TENM2: variants seen among roughly 807,000 people sequenced by gnomAD.
The protein encoded by TENM2 is teneurin transmembrane protein 2.
In TENM2, 52 loss-of-function variants were observed where a neutral mutation model predicts 245.2. The observed-to-expected ratio is 0.21, with a 90% CI of 0.17 to 0.27. The LOEUF is 0.27. TENM2 is among the 10% of genes least tolerant of loss of function. TENM2 has a pLI of 1.00. For missense variants in TENM2, 3,046 were observed against 3,666.8 expected (o/e 0.83, Z 4.37); for synonymous variants, 1,363 against 1,438.9 (o/e 0.95, Z 1.19).
the TENM2 span, among the ~76,000 whole-genome samples, chr5:166,993,147 G>C: frequency 6.6e-6 from 1 of 152,052 alleles, no homozygotes; most frequent in Non-Finnish European, 1.5e-5. Flanking sequence ...CCCGTAGAGA[G>C]CTGTGGGCAT....
At chr5:167,671,052 CTTGT>C (rs1368621473) in intron 2 of TENM2, among the ~76,000 whole-genome samples, 3 of 151,938 alleles carry the variant, frequency 2.0e-5, no homozygotes, top group Non-Finnish European at 4.4e-5. Flanking sequence ...AATCTTGTGA[CTTGT>C]TTCTTTTTTC....
At chr5:167,700,783 C>T (rs1366971741) in intron 2 of TENM2, among the ~76,000 whole-genome samples, 1 of 151,842 alleles carries the variant, frequency 6.6e-6, no homozygotes, top group Non-Finnish European at 1.5e-5. Flanking sequence ...CAATTCGGTC[C>T]ATCTTGAAGT....
intron 12 of TENM2, among the ~76,000 whole-genome samples, chr5:168,146,924 G>C (rs1451916469): frequency 6.6e-6 from 1 of 152,226 alleles, no homozygotes; most frequent in Non-Finnish European, 1.5e-5. Flanking sequence ...ATGGGCATCA[G>C]GGGACCCCCC....
At chr5:167,913,387 T>C (rs1776695948) in intron 3 of TENM2, among the ~76,000 whole-genome samples, 1 of 152,188 alleles carries the variant, frequency 6.6e-6, no homozygotes. Context: ...AAGAATAAGT[T>C]TAAGTGGTGT....
At chr5:167,007,344 C>T in the TENM2 span, among the ~76,000 whole-genome samples, 1 of 152,206 alleles carries the variant, frequency 6.6e-6, no homozygotes, top group Non-Finnish European at 1.5e-5. This position sits in a 1 kb window ranked among gnomAD's most constrained non-coding sequence, Gnocchi z 4.2. Context: ...TAATCTGAGT[C>T]TTTCCAATCT....
intron 2 of TENM2, among the ~76,000 whole-genome samples, chr5:167,805,393 A>G (rs770466371): frequency 1.2e-4 from 19 of 152,162 alleles, no homozygotes; most frequent in Non-Finnish European, 2.2e-4. Context: ...CTGTGTTTTT[A>G]TGAAGCTTTC....
At chr5:167,173,085 G>A in the TENM2 span, among the ~76,000 whole-genome samples, 1 of 152,112 alleles carries the variant, frequency 6.6e-6, no homozygotes, top group Non-Finnish European at 1.5e-5. Context: ...TCTTACTTAA[G>A]ACTGTGGTGT....
chr5:167,371,347 T>C (rs1303857262), intron 1 of TENM2, among the ~76,000 whole-genome samples: 3 of 146,064 alleles, frequency 2.1e-5, no homozygotes, highest in African/African-American at 7.8e-5. Flanking sequence ...TTTTTTTTTT[T>C]TCTTTCTTTT....
chr5:167,453,614 GT>G (rs1765736715), intron 2 of TENM2, among the ~76,000 whole-genome samples: 1 of 152,098 alleles, frequency 6.6e-6, no homozygotes, highest in African/African-American at 2.4e-5. Context: ...ACTTTCCAAG[GT>G]TTCTTTTACC....
intron 13 of TENM2, among the ~76,000 whole-genome samples, chr5:168,169,451 C>T (rs1411711101): frequency 1.3e-5 from 2 of 152,200 alleles, no homozygotes; most frequent in Non-Finnish European, 2.9e-5. Flanking sequence ...CAAGGCACTC[C>T]AGCCAGGTCT....
At chr5:167,186,136 C>A in the TENM2 span, among the ~76,000 whole-genome samples, 1 of 152,110 alleles carries the variant, frequency 6.6e-6, no homozygotes, top group Admixed American at 6.5e-5. Flanking sequence ...TTCAATCAAC[C>A]CTTTTAAAGA....
At chr5:167,311,639 A>G (rs147003961) in intron 1 of TENM2, among the ~76,000 whole-genome samples, 307 of 152,290 alleles carry the variant, frequency 2.0e-3, no homozygotes, top group Non-Finnish European at 3.0e-3. Flanking sequence ...CATCTTTTAC[A>G]TAAATCTTTG....
chr5:167,212,491 A>G, the TENM2 span, among the ~76,000 whole-genome samples: 1 of 152,214 alleles, frequency 6.6e-6, no homozygotes, highest in African/African-American at 2.4e-5. Flanking sequence ...CATGATTAAA[A>G]TGAGGTGTAG....
chr5:167,612,590 T>A (rs1378387662), intron 2 of TENM2, among the ~76,000 whole-genome samples: 1 of 152,168 alleles, frequency 6.6e-6, no homozygotes, highest in Non-Finnish European at 1.5e-5. Context: ...AAATGTCAAA[T>A]TGAGATTTGA....
At chr5:167,195,008 G>A in the TENM2 span, among the ~76,000 whole-genome samples, 1 of 152,084 alleles carries the variant, frequency 6.6e-6, no homozygotes, top group South Asian at 2.1e-4. Context: ...CTATTGTAGA[G>A]AATACTAGCT....
chr5:167,388,352 A>G (rs1761565258), intron 2 of TENM2, among the ~76,000 whole-genome samples: 1 of 152,064 alleles, frequency 6.6e-6, no homozygotes, highest in Non-Finnish European at 1.5e-5. Context: ...TGTCAGTTGT[A>G]ATACCTCCCG....
At chr5:168,232,219 A>AGAAG (rs930926637) in intron 25 of TENM2, 2 of 152,286 alleles carry the variant, frequency 1.3e-5, no homozygotes, top group African/African-American at 4.8e-5. Context: ...GAGGAAAGAA[A>AGAAG]GAAGGTAGGG....
chr5:167,228,951 C>T, the TENM2 span, among the ~76,000 whole-genome samples: 7 of 152,266 alleles, frequency 4.6e-5, no homozygotes, highest in East Asian at 1.9e-4. Flanking sequence ...CCGCCCACCT[C>T]GCCCTCCCAA....
chr5:168,198,976 G>A, exon 16 of TENM2: 6 of 1,614,044 alleles, frequency 3.7e-6, no homozygotes, highest in Middle Eastern at 1.6e-4. Context: ...ACACCCTGGT[G>A]ATGAAGACCG....
Sources: gnomAD v4.1 joint callset for allele counts (sites outside exome capture counted in the v4.1 genomes callset) on GRCh38, gnomAD v4.1.1 for gene constraint, Gnocchi (gnomAD v3.1) non-coding constraint, MANE v1.5 for transcripts, NCBI Gene and HGNC (gene_info 2026-07-23, HGNC 2026-07-21) for gene names.